The following CCDC82 variants were observed in gnomAD, a reference collection of about 807,000 sequenced individuals.
CCDC82 encodes coiled-coil domain-containing protein 82.
Under a neutral mutation model 60.6 loss-of-function variants are expected in CCDC82, and 47 were observed. The observed-to-expected ratio is 0.77, with a 90% confidence interval of 0.61 to 0.99. CCDC82 has a LOEUF of 0.99. Ranked by LOEUF, CCDC82 falls within the 50% of genes least tolerant of loss-of-function variation. The pLI is 0.00. For missense variants in CCDC82, 588 were observed against 633.0 expected (o/e 0.93, Z 0.76); for synonymous variants, 212 against 207.4 (o/e 1.02, Z -0.19).
rs545754838 is a variant in CCDC82, at chr11:96,358,289, G to A, written c.1566+704C>T. On this transcript the variant is annotated intron_variant, in intron 9 of 9. Transcript: ENST00000646818. ...GTTTTAGAAGACTGCAGTCGTATTA[G>A]CATTCTTTCCATATACCATAAACAA... 6 of 1,142,474 alleles carry A rather than the reference G, an allele frequency of 5.3e-6. No individual in the cohort carries two copies. In the African/African-American group the frequency reaches 9.6e-5, roughly 18 times the overall value. The allele number at this position is 1,142,474 out of a possible 1,614,324, so 70.8% of individuals were successfully genotyped here.
At chr11:96,361,759 T>C (rs1288642008) in intron 8 of CCDC82, among the ~76,000 whole-genome samples, 1 of 152,210 alleles carries the variant, frequency 6.6e-6, no homozygotes, top group Non-Finnish European at 1.5e-5. Context: ...CATTAATCTC[T>C]GGTGTTAGAA....
At chr11:96,386,823 G>A (rs942008627) in intron 2 of CCDC82, 6 of 152,138 alleles carry the variant, frequency 3.9e-5, no homozygotes, top group Non-Finnish European at 2.9e-5. Context: ...ATTAAAATCA[G>A]CAAAGATGAA....
At chr11:96,359,778 A>C (rs2136072839) in intron 8 of CCDC82, among the ~76,000 whole-genome samples, 1 of 151,964 alleles carries the variant, frequency 6.6e-6, no homozygotes, top group South Asian at 2.1e-4. Context: ...ACCAAAATTA[A>C]GTATTGGCAG....
intron 9 of CCDC82, chr11:96,358,589 G>A: frequency 8.1e-7 from 1 of 1,235,086 alleles, no homozygotes; most frequent in Non-Finnish European, 1.0e-6. Context: ...GGCACCAGGT[G>A]CTTCTTCACT....
At position 96,359,141 on chromosome 11, in the gene CCDC82, C is replaced by T. The variant is rs749998983; in HGVS notation, c.1418G>A (p.Arg473Lys). 5.0e-6 allele frequency: 8 copies of T among 1,586,700 alleles called. No individual in the cohort carries two copies. The Admixed American group carries it at 1.5e-4, about 30-fold the overall frequency. ...TVGRICASRT[R>K]IYHKLKHFKF... is the part of the protein sequence containing the mutation. ...AAAATGTTTCAGTTTATGATAAATT[C>T]TGGTACGGCTGGCACAAATTCTGCC... Residue 473 changes from arginine to lysine, a missense_variant, in exon 9 of 10, where the codon AGA becomes AAA. Coordinates refer to ENST00000646818, the MANE Select transcript of CCDC82 (RefSeq NM_024725.4).
rs539023076 is a variant in CCDC82, at chr11:96,352,917, G to T, written c.*729C>A. 3.3e-5 allele frequency: 5 copies of T among 151,922 alleles called. No individual in the cohort carries two copies. Among genetic ancestry groups the T allele is most frequent in the African/African-American group, 9.7e-5 (4 of 41,418 alleles). The allele number at this position is 151,922 out of a possible 1,614,324, so 9.4% of individuals were successfully genotyped here. ...CTGACCCTAAGATACATACTTATAT[G>T]GAAAAAGCTATGGATAAAAATAAAT... On this transcript the variant is annotated 3_prime_UTR_variant, in exon 10 of 10. Coordinates refer to ENST00000646818, the MANE Select transcript of CCDC82 (RefSeq NM_024725.4).
intron 6 of CCDC82, among the ~76,000 whole-genome samples, chr11:96,372,672 A>G (rs1865340620): frequency 6.9e-6 from 1 of 145,334 alleles, no homozygotes. Flanking sequence ...ATATATAAAC[A>G]TATATAAATA....
intron 5 of CCDC82, among the ~76,000 whole-genome samples, chr11:96,379,041 A>G (rs1865732826): frequency 6.6e-6 from 1 of 151,968 alleles, no homozygotes; most frequent in African/African-American, 2.4e-5. Flanking sequence ...TACTGAATTT[A>G]GAGTTAGGAG....
intron 3 of CCDC82, chr11:96,385,857 G>A (rs1866161659): frequency 6.6e-6 from 1 of 152,046 alleles, no homozygotes; most frequent in Admixed American, 6.6e-5. Context: ...ATAGAAATAT[G>A]ACAATGTAAT....
chr11:96,366,986 T>A (rs543289611), intron 7 of CCDC82, among the ~76,000 whole-genome samples: 3 of 152,344 alleles, frequency 2.0e-5, no homozygotes, highest in African/African-American at 7.2e-5. Flanking sequence ...CAGAATTATG[T>A]CTAAAATGTA....
intron 7 of CCDC82, among the ~76,000 whole-genome samples, chr11:96,369,501 T>A (rs977609235): frequency 1.2e-4 from 19 of 152,182 alleles, no homozygotes; most frequent in African/African-American, 4.3e-4. Context: ...TCTTAAGGAA[T>A]AAGGATGCCT....
Position 96,384,215 on chromosome 11 carries a change from T to A in CCDC82, c.533A>T (p.Lys178Met), listed in dbSNP as rs973839411. The change falls in exon 4 of 10, where the codon AAG becomes ATG. Residue 178 changes from lysine to methionine, a missense_variant. Lys to Met is a moderately conservative substitution (Grantham distance 95). Transcript: ENST00000646818. ...GGATAGCCTTTTTCTTTTTCCTCGC[T>A]TGATGTCTTCTTCTTCTAAATCATC... ...IEDDLEEEDI[K>M]RGKRKRLSSV... 1 of 1,613,912 alleles carries A rather than the reference T, an allele frequency of 6.2e-7. No individual in the cohort carries two copies. Among genetic ancestry groups the A allele is most frequent in the Non-Finnish European group, 8.5e-7 (1 of 1,179,870 alleles).
intron 7 of CCDC82, among the ~76,000 whole-genome samples, chr11:96,366,904 C>T (rs538809435): frequency 6.6e-6 from 1 of 152,302 alleles, no homozygotes; most frequent in East Asian, 1.9e-4. Context: ...TAACGTGTCA[C>T]ACAAATTTTG....
At chr11:96,355,912 GA>G (rs1176101563) in intron 9 of CCDC82, 1 of 152,192 alleles carries the variant, frequency 6.6e-6, no homozygotes, top group Non-Finnish European at 1.5e-5. Context: ...TTGTGGAAAT[GA>G]AGTGTGGGAA....
Position 96,383,422 on chromosome 11 carries a change from C to A in CCDC82, c.838G>T (p.Glu280Ter). ...PSSDEVDEEE[E>*]EDNYESDEDG... Reference sequence around the variant, plus strand: ...TCATCAGATTCATAATTATCCTCTTCTTCCTCCTCATCAACTTCATCACTG... The same window carrying A: ...TCATCAGATTCATAATTATCCTCTTATTCCTCCTCATCAACTTCATCACTG... Residue 280 changes from glutamate to a stop codon, truncating the protein, a stop_gained, in exon 5 of 10, where the codon GAA becomes TAA. Transcript: ENST00000646818. LOFTEE classifies it high-confidence loss of function. 1 of 1,604,152 alleles carries A rather than the reference C, an allele frequency of 6.2e-7. No individual in the cohort carries two copies. Among genetic ancestry groups the A allele is most frequent in the Non-Finnish European group, 8.5e-7 (1 of 1,174,650 alleles).
chr11:96,383,496 T>G lies in CCDC82; in HGVS notation c.787-23A>C, dbSNP rs148810450. 7.6e-4 allele frequency: 1,121 copies of G among 1,469,908 alleles called. 10 individuals are homozygous for G. The African/African-American group carries it at 0.014, about 19-fold the overall frequency. The allele number at this position is 1,469,908 out of a possible 1,614,324, so 91.1% of individuals were successfully genotyped here. A position where few individuals can be genotyped will look rare whatever the true frequency, so the allele number is the denominator to read the frequency against. Reference sequence around the variant, plus strand: ...GTCCTAATTAAATTAAAATAAATGCTTCAGTAAATGGTGCTATTAAAACGG... The same window carrying G: ...GTCCTAATTAAATTAAAATAAATGCGTCAGTAAATGGTGCTATTAAAACGG... On this transcript the variant is annotated intron_variant, in intron 4 of 9. Coordinates refer to ENST00000646818, the MANE Select transcript of CCDC82 (RefSeq NM_024725.4).
At position 96,384,008 on chromosome 11, in the gene CCDC82, G is replaced by C; in HGVS notation, c.740C>G (p.Ser247Ter). The part of the protein sequence containing the change: ...REKLQKLKEL[S>*]KQRSRQRRSS... ...GCGTCTCTGACGAGATCTTTGTTTT[G>C]AGAGTTCTTTGAGCTTCTGAAGTTT... The change falls in exon 4 of 10, where the codon TCA (serine) becomes TGA (stop). Residue 247 changes from serine to a stop codon, truncating the protein, a stop_gained. Transcript: ENST00000646818. LOFTEE classifies it high-confidence loss of function. The C allele has an allele frequency of 6.2e-7, 1 of 1,613,332 alleles. No individual in the cohort carries two copies. The highest frequency in any genetic ancestry group is 8.5e-7 in the Non-Finnish European group (1 of 1,179,602).
intron 7 of CCDC82, among the ~76,000 whole-genome samples, chr11:96,368,013 G>C (rs988145768): frequency 6.6e-6 from 1 of 151,832 alleles, no homozygotes; most frequent in Admixed American, 6.6e-5. Flanking sequence ...TAGATACGGG[G>C]TTTCACCATG....
Position 96,353,155 on chromosome 11 carries a change from T to C in CCDC82, c.*491A>G, listed in dbSNP as rs904899201. Reference sequence around the variant, plus strand: ...ATGCTATGATCTGATTCTGAAGCAATGGGATTGAACTGAATGATATATGAG... The same window carrying C: ...ATGCTATGATCTGATTCTGAAGCAACGGGATTGAACTGAATGATATATGAG... On this transcript the variant is annotated 3_prime_UTR_variant, in exon 10 of 10. Coordinates refer to ENST00000646818, the MANE Select transcript of CCDC82 (RefSeq NM_024725.4). The C allele has an allele frequency of 6.5e-6, 1 of 152,868 alleles. No individual in the cohort carries two copies. The highest frequency in any genetic ancestry group is 1.5e-5 in the Non-Finnish European group (1 of 68,524). The allele number at this position is 152,868 out of a possible 1,614,324, so 9.5% of individuals were successfully genotyped here.
Sources: allele counts gnomAD v4.1 joint callset (sites outside exome capture counted in the v4.1 genomes callset), GRCh38; gene constraint gnomAD v4.1.1; transcripts MANE v1.5; gene names NCBI Gene and HGNC (gene_info 2026-07-23, HGNC 2026-07-21).